CEP128: variants seen among roughly 807,000 people sequenced by gnomAD.
CEP128 encodes the protein centrosomal protein 128.
A neutral mutation model predicts 156.7 loss-of-function variants in CEP128; 132 were observed. The observed-to-expected ratio is 0.84, with a 90% CI of 0.73 to 0.97. CEP128 has a LOEUF of 0.97. Among genes scored for constraint, CEP128 ranks in the 50% least tolerant of loss-of-function variants. CEP128 has a pLI of 0.00. For missense variants in CEP128, 1,252 were observed against 1,281.9 expected (o/e 0.98, Z 0.36); for synonymous variants, 469 against 448.9 (o/e 1.04, Z -0.57).
At chr14:80,714,880 T>C (rs963664347) in intron 19 of CEP128, among the ~76,000 whole-genome samples, 21 of 152,088 alleles carry the variant, frequency 1.4e-4, no homozygotes, top group African/African-American at 9.7e-5. Context: ...CTAAACCAAC[T>C]GAAAGGCACC....
intron 21 of CEP128, among the ~76,000 whole-genome samples, chr14:80,542,657 G>C (rs1889816933): frequency 6.6e-6 from 1 of 152,106 alleles, no homozygotes; most frequent in African/African-American, 2.4e-5. Flanking sequence ...GCTTGGCCCT[G>C]CTGGACAATG....
intron 9 of CEP128, among the ~76,000 whole-genome samples, chr14:80,848,481 G>C (rs1343570908): frequency 6.6e-6 from 1 of 152,010 alleles, no homozygotes; most frequent in South Asian, 2.1e-4. Flanking sequence ...TCAACATGAC[G>C]AAACTCCATC....
chr14:80,746,913 G>A (rs1156737819), intron 18 of CEP128, among the ~76,000 whole-genome samples: 2 of 152,140 alleles, frequency 1.3e-5, no homozygotes, highest in African/African-American at 2.4e-5. Context: ...TTTTTAAAAC[G>A]TACAAAGGAT....
chr14:80,697,342 G>A (rs1044208293), intron 19 of CEP128, among the ~76,000 whole-genome samples: 13 of 152,004 alleles, frequency 8.6e-5, no homozygotes, highest in Non-Finnish European at 1.8e-4. Flanking sequence ...CTAAAGGGCA[G>A]GTAATGGATT....
In CEP128 at chr14:80,550,770, G is replaced by T. The variant is rs530209073; in HGVS notation, c.2880+8509C>A. 6.1e-5 allele frequency among the ~76,000 whole-genome samples: 9 copies of T among 146,380 alleles called. No homozygotes were observed. The East Asian group carries it at 1.4e-3, about 23-fold the overall frequency. On this transcript the variant is annotated intron_variant, in intron 21 of 24. Transcript: ENST00000555265. The stretch of plus-strand genomic sequence containing the variant: ...TGGATTAGCATTACAATTAATATTA[G>T]GTATATTATAAATTTTGAGAAAGAT...
At chr14:80,825,921 C>T (rs946801947) in intron 13 of CEP128, among the ~76,000 whole-genome samples, 2 of 152,040 alleles carry the variant, frequency 1.3e-5, no homozygotes, top group Non-Finnish European at 2.9e-5. Context: ...GCCTCGCCAA[C>T]ATGGTGAAAC....
intron 21 of CEP128, among the ~76,000 whole-genome samples, chr14:80,558,534 C>T (rs1036265394): frequency 3.9e-5 from 6 of 151,980 alleles, no homozygotes; most frequent in Non-Finnish European, 8.8e-5. Context: ...GTGATCCACC[C>T]GCCTCGGCCT....
chr14:80,733,363 T>TGC, intron 19 of CEP128, among the ~76,000 whole-genome samples: 1 of 151,700 alleles, frequency 6.6e-6, no homozygotes, highest in East Asian at 1.9e-4. Flanking sequence ...TGTGTGTGTG[T>TGC]GTGTGTGTGT....
intron 13 of CEP128, among the ~76,000 whole-genome samples, chr14:80,805,218 T>A (rs1884107565): frequency 1.3e-5 from 2 of 152,016 alleles, no homozygotes; most frequent in African/African-American, 4.8e-5. Flanking sequence ...AAAATTAGGA[T>A]CTGTCAATTA....
At position 80,860,438 on chromosome 14, in the gene CEP128, G is replaced by A. The variant is rs144498356; in HGVS notation, c.762+2319C>T. Among the ~76,000 whole-genome samples the A allele has an allele frequency of 2.9e-3, 446 of 152,218 alleles. 5 individuals are homozygous for A. The highest frequency in any genetic ancestry group is 5.1e-3 in the Non-Finnish European group (345 of 67,996). ...AGGCTCTGGTATCTTAAGAAAAGTG[G>A]TGGGAAGCAATCTTTTTCTCCCTCT... On this transcript the variant is annotated intron_variant, in intron 9 of 24. Coordinates refer to ENST00000555265, the MANE Select transcript of CEP128 (RefSeq NM_152446.5).
intron 19 of CEP128, among the ~76,000 whole-genome samples, chr14:80,689,586 A>T (rs2139299870): frequency 6.6e-6 from 1 of 152,352 alleles, no homozygotes; most frequent in Admixed American, 6.5e-5. Flanking sequence ...AAATTGCTTG[A>T]AAATATGCTG....
chr14:80,890,521 C>A (rs1195241081), intron 8 of CEP128, among the ~76,000 whole-genome samples: 4 of 152,052 alleles, frequency 2.6e-5, no homozygotes, highest in Admixed American at 2.0e-4. Flanking sequence ...CAAACTAACA[C>A]AGGAACAGAA....
intron 2 of CEP128, among the ~76,000 whole-genome samples, chr14:80,936,204 T>G (rs1224780531): frequency 6.6e-6 from 1 of 152,172 alleles, no homozygotes; most frequent in African/African-American, 2.4e-5. Flanking sequence ...CAGCAAACCC[T>G]GTATGCAGAG....
intron 19 of CEP128, among the ~76,000 whole-genome samples, chr14:80,636,728 T>C (rs1167290797): frequency 2.0e-5 from 3 of 152,232 alleles, no homozygotes; most frequent in African/African-American, 7.2e-5. Flanking sequence ...ATTAGTCTCC[T>C]AAATGGCCTC....
At chr14:80,619,745 A>G (rs1893397550) in intron 19 of CEP128, among the ~76,000 whole-genome samples, 2 of 152,016 alleles carry the variant, frequency 1.3e-5, no homozygotes, top group South Asian at 4.2e-4. Flanking sequence ...AATGGAAAAC[A>G]TAAAAAATAA....
At chr14:80,751,283 T>C in intron 18 of CEP128, among the ~76,000 whole-genome samples, 1 of 152,236 alleles carries the variant, frequency 6.6e-6, no homozygotes. Flanking sequence ...TAGATTTTTT[T>C]TATGAATTGA....
At chr14:80,550,474 T>C (rs1046508812) in intron 21 of CEP128, among the ~76,000 whole-genome samples, 2 of 152,194 alleles carry the variant, frequency 1.3e-5, no homozygotes, top group East Asian at 3.9e-4. Flanking sequence ...TATAAACTTA[T>C]CCAGTAAACT....
Position 80,761,456 on chromosome 14 carries a change from T to C in CEP128, c.2534A>G (p.Asp845Gly). The C allele has an allele frequency of 1.2e-6, 2 of 1,608,226 alleles. No individual in the cohort carries two copies. Among genetic ancestry groups the C allele is most frequent in the Non-Finnish European group, 1.7e-6 (2 of 1,176,132 alleles). The stretch of plus-strand genomic sequence containing the variant: ...AATTACTTTTAATTTCTCCACTGAG[T>C]CCTTGGAGAATGTTTTACAAGCTGC... ...IDAACKTFSK[D>G]SVEKLKVFSS... The change falls in exon 17 of 25, where the codon GAC (aspartate) becomes GGC (glycine). Residue 845 changes from aspartate to glycine, a missense_variant. By Grantham distance (94) the Asp-to-Gly change is moderately conservative. Coordinates refer to ENST00000555265, the MANE Select transcript of CEP128 (RefSeq NM_152446.5).
chr14:80,905,663 C>A lies in CEP128; in HGVS notation c.361+292G>T, dbSNP rs749419705. 26 of 263,182 alleles carry A rather than the reference C, an allele frequency of 9.9e-5. 1 individual carries two copies. The highest frequency in any genetic ancestry group is 7.1e-4 in the Admixed American group (13 of 18,378). 16.3% of individuals were successfully genotyped at this position (263,182 alleles called of 1,614,324 possible). ...ACCTAACCTAAAGTGTATCACATAG[C>A]GAATTTATGTATTTGTTTTGATTCT... On this transcript the variant is annotated intron_variant, in intron 5 of 24. Transcript: ENST00000555265.
Sources: allele counts gnomAD v4.1 joint callset (sites outside exome capture counted in the v4.1 genomes callset), GRCh38; gene constraint gnomAD v4.1.1; transcripts MANE v1.5; gene names NCBI Gene and HGNC (gene_info 2026-07-23, HGNC 2026-07-21).